CALN1: variants seen among roughly 807,000 people sequenced by gnomAD.
The protein encoded by CALN1 is calcium-binding protein 8.
A neutral mutation model predicts 30.6 loss-of-function variants in CALN1; 17 were observed. The ratio of observed to expected loss-of-function variants is 0.56; its 90% CI spans 0.38 to 0.83. CALN1 has a LOEUF of 0.83. CALN1 is among the 40% of genes least tolerant of loss of function. The probability of loss-of-function intolerance (pLI) is 0.00; values close to 1 mark genes in which losing one functional copy is unlikely to be tolerated. For missense variants in CALN1, 291 were observed against 354.9 expected, an observed-to-expected ratio of 0.82 and a Z score of 1.45; for synonymous variants, 156 against 131.4, an observed-to-expected ratio of 1.19 and a Z score of -1.28.
upstream of CALN1, among the ~76,000 whole-genome samples, chr7:72,413,852 TCA>T (rs1321237548): frequency 7.2e-6 from 1 of 139,216 alleles, no homozygotes; most frequent in African/African-American, 3.2e-5. Flanking sequence ...TGCACACACA[TCA>T]CACACACTCG....
chr7:71,966,930 T>G (rs754645971), intron 5 of CALN1, among the ~76,000 whole-genome samples: 4 of 152,246 alleles, frequency 2.6e-5, no homozygotes, highest in Non-Finnish European at 4.4e-5. Context: ...ATCATTGAAT[T>G]CTGTCAGAAC....
chr7:71,838,560 G>A (rs1472980083), intron 5 of CALN1, among the ~76,000 whole-genome samples: 1 of 152,130 alleles, frequency 6.6e-6, no homozygotes, highest in Admixed American at 6.6e-5. Context: ...CTGAGTAGCT[G>A]GGGCTACAGG....
intron 6 of CALN1, among the ~76,000 whole-genome samples, chr7:71,806,256 A>C (rs1368211929): frequency 7.0e-6 from 1 of 141,896 alleles, no homozygotes; most frequent in Non-Finnish European, 1.5e-5. Flanking sequence ...GCATGCACAC[A>C]CACACACACA....
chr7:72,487,698 GAAAGAAAAGA>G, the CALN1 span, among the ~76,000 whole-genome samples: 42 of 86,214 alleles, frequency 4.9e-4, no homozygotes, highest in Non-Finnish European at 5.7e-4. Flanking sequence ...AAGAAAGAAA[GAAAGAAAAGA>G]AAAGAAAAGA....
intron 5 of CALN1, among the ~76,000 whole-genome samples, chr7:71,846,873 TAATA>T (rs1336856411): frequency 1.4e-5 from 2 of 146,676 alleles, no homozygotes; most frequent in African/African-American, 2.5e-5. Context: ...TATGTATATA[TAATA>T]TATACACACA....
chr7:72,331,351 A>G (rs140593540), intron 2 of CALN1, among the ~76,000 whole-genome samples: 2,080 of 152,246 alleles, frequency 0.014, 62 homozygotes, highest in African/African-American at 0.047. Flanking sequence ...CTCCATCAAA[A>G]AAAAGAAAGA....
the CALN1 span, among the ~76,000 whole-genome samples, chr7:72,488,948 T>C: frequency 1.3e-5 from 2 of 152,194 alleles, no homozygotes; most frequent in Non-Finnish European, 2.9e-5. Context: ...GTGAGCTTAC[T>C]CATGGAAGCT....
chr7:72,140,760 G>C (rs371217041), intron 3 of CALN1, among the ~76,000 whole-genome samples: 2 of 152,230 alleles, frequency 1.3e-5, no homozygotes, highest in African/African-American at 4.8e-5. Context: ...GAGTGTTCAA[G>C]ACAACCTCCT....
chr7:71,787,823 A>G lies in CALN1; in HGVS notation c.738T>C (p.Ser246=). 1.2e-6 allele frequency: 2 copies of G among 1,614,134 alleles called. No homozygotes were observed. Among genetic ancestry groups the G allele is most frequent in the Non-Finnish European group, 1.7e-6 (2 of 1,180,026 alleles). ...TCTGGTTGGCTGCAATCAGCATGACACTGATGATGAAGGCCATAGCAAAGG... is the reference window on the plus strand; with the variant it reads ...TCTGGTTGGCTGCAATCAGCATGACGCTGATGATGAAGGCCATAGCAAAGG... ...ICAFAMAFII[S]VMLIAANQIL... Residue 246 remains serine (S), a synonymous_variant, in exon 7 of 7, where the codon AGT becomes AGC. Coordinates refer to ENST00000395275, the MANE Select transcript of CALN1 (RefSeq NM_031468.4).
intron 4 of CALN1, among the ~76,000 whole-genome samples, chr7:72,045,926 G>A (rs1802437006): frequency 6.6e-6 from 1 of 150,524 alleles, no homozygotes; most frequent in Non-Finnish European, 1.5e-5. Context: ...TCGAACCTGG[G>A]AGGCAGAGGT....
chr7:72,265,882 C>T (rs1796562493), intron 3 of CALN1, among the ~76,000 whole-genome samples: 1 of 151,990 alleles, frequency 6.6e-6, no homozygotes, highest in African/African-American at 2.4e-5. Flanking sequence ...ACCTGTAATC[C>T]CAGCATTTTG....
chr7:71,964,100 T>C (rs1435580061), intron 5 of CALN1, among the ~76,000 whole-genome samples: 6 of 152,254 alleles, frequency 3.9e-5, no homozygotes, highest in Admixed American at 3.9e-4. Context: ...ATCTGAACTG[T>C]TGCTAAGTAT....
chr7:72,400,721 T>C (rs538032537), intron 2 of CALN1, among the ~76,000 whole-genome samples: 1 of 152,188 alleles, frequency 6.6e-6, no homozygotes, highest in Non-Finnish European at 1.5e-5. Flanking sequence ...AATATAAAAT[T>C]AGCTGGGTTT....
At chr7:72,317,034 A>T (rs1360555808) in intron 2 of CALN1, among the ~76,000 whole-genome samples, 2 of 138,894 alleles carry the variant, frequency 1.4e-5, no homozygotes, top group Non-Finnish European at 3.1e-5. Flanking sequence ...GGAGAGGAGG[A>T]GGGAAGAGAG....
rs1792255626 is a variant in CALN1, at chr7:71,876,567, G to A, written c.502-66075C>T. Among the ~76,000 whole-genome samples, 4 of 152,122 alleles carry A rather than the reference G, an allele frequency of 2.6e-5. No homozygotes were observed. The South Asian group carries it at 8.3e-4, about 32-fold the overall frequency. ...TTTTTATAAAAAATTCCATAAATGA[G>A]GGTATAGAGCTAACTTTTATTGATT... On this transcript the variant is annotated intron_variant, in intron 5 of 6. Transcript: ENST00000395275.
chr7:72,036,940 TTTGTTA>T (rs1469449461), intron 4 of CALN1, among the ~76,000 whole-genome samples: 1 of 152,002 alleles, frequency 6.6e-6, no homozygotes, highest in Non-Finnish European at 1.5e-5. Flanking sequence ...GGATTTATTT[TTTGTTA>T]TTATTTTTGT....
intron 2 of CALN1, among the ~76,000 whole-genome samples, chr7:72,311,034 G>C (rs1800009624): frequency 1.3e-5 from 2 of 151,802 alleles, no homozygotes; most frequent in African/African-American, 4.8e-5. Flanking sequence ...GTTATGCCAA[G>C]TGTGCCTTTC....
At chr7:72,352,183 C>A (rs902177435) in intron 2 of CALN1, among the ~76,000 whole-genome samples, 27 of 147,822 alleles carry the variant, frequency 1.8e-4, no homozygotes, top group East Asian at 4.0e-4. Flanking sequence ...AACAAACAAA[C>A]AAAAAAAACC....
intron 5 of CALN1, among the ~76,000 whole-genome samples, chr7:71,946,215 G>T (rs1796397934): frequency 6.6e-6 from 1 of 152,136 alleles, no homozygotes; most frequent in South Asian, 2.1e-4. Flanking sequence ...TTCTCCAAAG[G>T]AGGGAAATCA....
Sources: gnomAD v4.1 joint callset for allele counts (sites outside exome capture counted in the v4.1 genomes callset) on GRCh38, gnomAD v4.1.1 for gene constraint, MANE v1.5 for transcripts, NCBI Gene and HGNC (gene_info 2026-07-23, HGNC 2026-07-21) for gene names.